DLGAP1: variants seen among roughly 807,000 people sequenced by gnomAD.
The protein encoded by DLGAP1 is DLG associated protein 1, also known as disks large-associated protein 1.
DLGAP1 carries 11 observed loss-of-function variants against 90.8 expected under a neutral mutation model. The observed-to-expected ratio is 0.12, with a 90% CI of 0.08 to 0.20. DLGAP1 has a LOEUF of 0.20. Ranked by LOEUF, DLGAP1 falls within the 10% of genes least tolerant of loss-of-function variation. DLGAP1 has a pLI of 1.00. For missense variants in DLGAP1, 1,050 were observed against 1,333.8 expected (o/e 0.79, Z 3.31); for synonymous variants, 558 against 540.7 (o/e 1.03, Z -0.44).
chr18:3,986,967 C>A (rs142441021), intron 3 of DLGAP1, among the ~76,000 whole-genome samples: 1 of 152,112 alleles, frequency 6.6e-6, no homozygotes, highest in Admixed American at 6.5e-5. Flanking sequence ...CGACACAGGA[C>A]GAGGCTCTGA....
intron 4 of DLGAP1, among the ~76,000 whole-genome samples, chr18:3,847,369 C>T (rs1271050689): frequency 1.3e-5 from 2 of 152,056 alleles, no homozygotes; most frequent in African/African-American, 4.8e-5. Context: ...AGGCTGCAGA[C>T]GTATCTCAAG....
intron 1 of DLGAP1, among the ~76,000 whole-genome samples, chr18:4,448,619 T>A (rs1258936143): frequency 6.6e-6 from 1 of 152,212 alleles, no homozygotes; most frequent in African/African-American, 2.4e-5. Context: ...GAATGGTAGA[T>A]GTGGTATCTA....
chr18:4,149,599 G>A (rs1440851257), intron 2 of DLGAP1, among the ~76,000 whole-genome samples: 2 of 152,208 alleles, frequency 1.3e-5, no homozygotes, highest in Admixed American at 6.5e-5. Flanking sequence ...CTGCACAGCA[G>A]GAAGTGAGCA....
chr18:4,198,291 G>A (rs1226398397), intron 1 of DLGAP1, among the ~76,000 whole-genome samples: 1 of 152,102 alleles, frequency 6.6e-6, no homozygotes, highest in African/African-American at 2.4e-5. Flanking sequence ...GGATTTCTAA[G>A]AGATGGTCAT....
chr18:4,236,943 C>T (rs1461782879), intron 1 of DLGAP1, among the ~76,000 whole-genome samples: 3 of 152,126 alleles, frequency 2.0e-5, no homozygotes, highest in East Asian at 1.9e-4. Flanking sequence ...AACAGTTCTC[C>T]TACCCTTGAA....
chr18:3,689,036 G>A (rs2098797184), intron 7 of DLGAP1, among the ~76,000 whole-genome samples: 1 of 152,144 alleles, frequency 6.6e-6, no homozygotes, highest in Non-Finnish European at 1.5e-5. Flanking sequence ...TGCCTCTCTA[G>A]AAAGACTATA....
intron 1 of DLGAP1, among the ~76,000 whole-genome samples, chr18:4,328,679 T>C (rs569407264): frequency 5.1e-4 from 78 of 152,116 alleles, no homozygotes; most frequent in Admixed American, 5.0e-3. Flanking sequence ...ACGTTTCCAA[T>C]TGCTTTGCAT....
chr18:4,448,270 TA>T (rs2144887368), intron 1 of DLGAP1, among the ~76,000 whole-genome samples: 1 of 152,318 alleles, frequency 6.6e-6, no homozygotes, highest in Non-Finnish European at 1.5e-5. Context: ...TATTACTAAT[TA>T]TTTCCTACAT....
intron 2 of DLGAP1, among the ~76,000 whole-genome samples, chr18:4,114,646 T>A (rs1180670482): frequency 6.6e-6 from 1 of 152,132 alleles, no homozygotes; most frequent in Non-Finnish European, 1.5e-5. Context: ...TCTGCATATA[T>A]GTTTATAATT....
intron 4 of DLGAP1, among the ~76,000 whole-genome samples, chr18:3,869,569 G>C (rs1009454466): frequency 6.6e-6 from 1 of 152,080 alleles, no homozygotes; most frequent in Non-Finnish European, 1.5e-5. Context: ...AAAAAGAAAA[G>C]AAAAAAAGAT....
intron 2 of DLGAP1, among the ~76,000 whole-genome samples, chr18:4,008,224 T>TAC (rs759118888): frequency 0.05 from 7,276 of 145,434 alleles, 349 homozygotes; most frequent in African/African-American, 0.13. Flanking sequence ...AATATATATA[T>TAC]ATACACACAC....
intron 5 of DLGAP1, among the ~76,000 whole-genome samples, chr18:3,787,850 A>T (rs1334044134): frequency 2.6e-5 from 4 of 152,164 alleles, no homozygotes; most frequent in African/African-American, 9.7e-5. Context: ...GTCTCTTGCA[A>T]AACACAGGAT....
chr18:4,284,557 T>C, intron 1 of DLGAP1, among the ~76,000 whole-genome samples: 1 of 152,194 alleles, frequency 6.6e-6, no homozygotes, highest in East Asian at 1.9e-4. Context: ...TGTATGGTAG[T>C]AGCAGAATTA....
intron 7 of DLGAP1, among the ~76,000 whole-genome samples, chr18:3,676,892 A>G (rs1853092560): frequency 6.6e-6 from 1 of 152,024 alleles, no homozygotes; most frequent in Admixed American, 6.6e-5. Context: ...AATGCAATCA[A>G]TGTTCTCAGT....
chr18:3,659,755 AG>A, intron 7 of DLGAP1, among the ~76,000 whole-genome samples: 1 of 152,150 alleles, frequency 6.6e-6, no homozygotes, highest in Middle Eastern at 3.4e-3. Flanking sequence ...TAGTAGAGAC[AG>A]GGTTTCACCA....
At chr18:3,747,529 G>A (rs964504269) in intron 5 of DLGAP1, among the ~76,000 whole-genome samples, 2 of 152,230 alleles carry the variant, frequency 1.3e-5, no homozygotes, top group African/African-American at 2.4e-5. Flanking sequence ...CCAGAGCAAT[G>A]ATATTGCCAA....
chr18:3,839,773 A>G (rs959860541), intron 4 of DLGAP1, among the ~76,000 whole-genome samples: 2 of 152,220 alleles, frequency 1.3e-5, no homozygotes, highest in Non-Finnish European at 2.9e-5. Flanking sequence ...ACAATAGAAA[A>G]CAGCTCCTTT....
rs532497169 is a variant in DLGAP1, at chr18:3,619,598, C to T, written c.1592-37350G>A. ...TAGCCGCCCTAGTCCTTCCTTCTCT[C>T]CTCTTCTTCCAGTCTCTTTGACTTT... is the stretch of plus-strand genomic sequence containing the variant. On this transcript the variant is annotated intron_variant, in intron 7 of 12. Transcript: ENST00000315677. Among the ~76,000 whole-genome samples, 424 of 152,300 alleles carry T rather than the reference C, an allele frequency of 2.8e-3. 1 individual carries two copies. The highest frequency in any genetic ancestry group is 4.3e-3 in the Non-Finnish European group (294 of 68,028).
chr18:3,634,407 C>A (rs2058627541), intron 7 of DLGAP1, among the ~76,000 whole-genome samples: 1 of 152,102 alleles, frequency 6.6e-6, no homozygotes, highest in Non-Finnish European at 1.5e-5. Flanking sequence ...ATCTCCCTTT[C>A]CTTCTTTGTT....
Sources: gnomAD v4.1 joint callset for allele counts (sites outside exome capture counted in the v4.1 genomes callset) on GRCh38, gnomAD v4.1.1 for gene constraint, MANE v1.5 for transcripts, NCBI Gene and HGNC (gene_info 2026-07-23, HGNC 2026-07-21) for gene names.